Variants in GRIN2A observed in about 807,000 individuals in gnomAD.
GRIN2A encodes glutamate ionotropic receptor NMDA type subunit 2A, also known as glutamate receptor ionotropic, NMDA 2A.
GRIN2A carries 22 observed loss-of-function variants against 113.4 expected under a neutral mutation model. That is an observed-to-expected ratio of 0.19 (90% confidence interval 0.14 to 0.28). The LOEUF (loss-of-function observed/expected upper bound fraction) is 0.28. Ranked by LOEUF, GRIN2A falls within the 10% of genes least tolerant of loss-of-function variation. The pLI is 1.00. For missense variants in GRIN2A, 1,502 were observed against 1,887.0 expected (o/e 0.80, Z 3.78); for synonymous variants, 827 against 738.4 (o/e 1.12, Z -1.94).
chr16:9,982,977 C>G (rs1408159224), intron 2 of GRIN2A, among the ~76,000 whole-genome samples: 1 of 152,114 alleles, frequency 6.6e-6, no homozygotes, highest in Non-Finnish European at 1.5e-5. Flanking sequence ...TAAGTTCATA[C>G]TGATACTTTT....
intron 2 of GRIN2A, among the ~76,000 whole-genome samples, chr16:10,086,439 G>T (rs1185106248): frequency 6.6e-6 from 1 of 152,010 alleles, no homozygotes; most frequent in Admixed American, 6.6e-5. Flanking sequence ...AGGAGGACAG[G>T]CAAGATTGCA....
intron 2 of GRIN2A, among the ~76,000 whole-genome samples, chr16:10,093,198 C>T (rs2048218050): frequency 2.6e-5 from 4 of 152,214 alleles, no homozygotes; most frequent in South Asian, 4.1e-4. Flanking sequence ...AGTTGCTCAG[C>T]ACTGCAGGCA....
chr16:10,112,135 A>G (rs752293455), intron 2 of GRIN2A: 12 of 594,170 alleles, frequency 2.0e-5, no homozygotes, highest in Non-Finnish European at 3.8e-5. Context: ...GTGGGCACCC[A>G]TGAGGATGAC....
At chr16:10,112,792 C>T in intron 2 of GRIN2A, 1 of 694,282 alleles carries the variant, frequency 1.4e-6, no homozygotes. Flanking sequence ...ATGATGTACT[C>T]AGGAGAGCTC....
intron 2 of GRIN2A, 105 bp downstream of exon 2, chr16:10,179,893 C>CCCCACACAAAAAAAAAAAAA: frequency 1.4e-6 from 1 of 719,818 alleles, no homozygotes; most frequent in Non-Finnish European, 2.4e-6. Flanking sequence ...CCCCCACCCC[C>CCCCACACAAAAAAAAAAAAA]ACTTCACATC....
chr16:10,170,412 G>A (rs1339013796), intron 2 of GRIN2A, among the ~76,000 whole-genome samples: 1 of 152,172 alleles, frequency 6.6e-6, no homozygotes, highest in East Asian at 1.9e-4. Flanking sequence ...TGTATAGCAT[G>A]GTGACTGGTG....
At chr16:10,030,175 T>C (rs182254987) in intron 2 of GRIN2A, among the ~76,000 whole-genome samples, 9 of 52,410 alleles carry the variant, frequency 1.7e-4, no homozygotes, top group Non-Finnish European at 2.5e-4. Context: ...CTTCACGTTC[T>C]TGGGTGATTT....
At chr16:10,173,355 T>G (rs2050081117) in intron 2 of GRIN2A, among the ~76,000 whole-genome samples, 2 of 152,206 alleles carry the variant, frequency 1.3e-5, no homozygotes, top group South Asian at 4.1e-4. Context: ...AGCACCAACT[T>G]CCACCTCCTG....
At chr16:10,009,843 G>C (rs1056253533) in intron 2 of GRIN2A, among the ~76,000 whole-genome samples, 3 of 152,196 alleles carry the variant, frequency 2.0e-5, no homozygotes, top group African/African-American at 7.2e-5. Context: ...AGGCAGCTAA[G>C]TCACATGACC....
chr16:10,003,848 C>T (rs1302173905), intron 2 of GRIN2A, among the ~76,000 whole-genome samples: 1 of 152,204 alleles, frequency 6.6e-6, no homozygotes, highest in Non-Finnish European at 1.5e-5. Context: ...GTGGGTTCCA[C>T]AGACTTGTTG....
intron 2 of GRIN2A, among the ~76,000 whole-genome samples, chr16:9,949,887 G>A (rs1331232295): frequency 1.3e-5 from 2 of 152,174 alleles, no homozygotes; most frequent in East Asian, 3.9e-4. Flanking sequence ...ACAGTGATGG[G>A]TTAGAGAGGG....
rs1309768715 is a variant in GRIN2A, at chr16:9,764,879, C to T, written c.2665G>A (p.Gly889Arg). 4 of 1,614,098 alleles carry T rather than the reference C, an allele frequency of 2.5e-6. No individual in the cohort carries two copies. The highest frequency in any genetic ancestry group is 2.5e-6 in the Non-Finnish European group (3 of 1,179,998). The change falls in exon 13 of 13, where the codon GGA (glycine) becomes AGA (arginine). Residue 889 changes from glycine to arginine, a missense_variant. Around this residue, in one of 7 missense-constraint regions of GRIN2A, gnomAD observed 832 missense variants for 789.7 expected, o/e 1.05. Coordinates refer to ENST00000330684, the MANE Select transcript of GRIN2A (RefSeq NM_001134407.3). ...AGTTTTAACATGTTGCTCTGGGATC[C>T]CGTCAGATTGAAGTCTGGAGACTTC... The part of the protein sequence containing the change: ...KKKSPDFNLT[G>R]SQSNMLKLLR...
chr16:9,925,831 A>G (rs970560512), intron 3 of GRIN2A, among the ~76,000 whole-genome samples: 5 of 152,204 alleles, frequency 3.3e-5, no homozygotes, highest in Non-Finnish European at 7.3e-5. Flanking sequence ...TCTCAAACAT[A>G]TCTCCAAGTA....
chr16:10,059,488 T>C (rs187281063), intron 2 of GRIN2A, among the ~76,000 whole-genome samples: 127 of 152,264 alleles, frequency 8.3e-4, no homozygotes, highest in African/African-American at 2.7e-3. Flanking sequence ...AGGATTCAGC[T>C]ACCCCTGGCT....
rs530244727 is a variant in GRIN2A, at chr16:9,854,595, T to C, written c.1123-4634A>G. On this transcript the variant is annotated intron_variant, in intron 4 of 12. Coordinates refer to ENST00000330684, the MANE Select transcript of GRIN2A (RefSeq NM_001134407.3). Reference sequence around the variant, plus strand: ...ACTTTGAAGATGGCAGCCAAAAATATCTCTGCTCCCACCTTGGACGTGATG... The same window carrying C: ...ACTTTGAAGATGGCAGCCAAAAATACCTCTGCTCCCACCTTGGACGTGATG... Among the ~76,000 whole-genome samples the C allele has an allele frequency of 3.9e-5, 6 of 152,258 alleles. No individual in the cohort carries two copies. In the South Asian group the frequency reaches 6.2e-4, roughly 16 times the overall value.
At chr16:10,100,231 C>T (rs1204604633) in intron 2 of GRIN2A, among the ~76,000 whole-genome samples, 3 of 152,188 alleles carry the variant, frequency 2.0e-5, no homozygotes, top group Non-Finnish European at 4.4e-5. Flanking sequence ...ACCATAGCAA[C>T]GGGAAGCCAT....
chr16:9,780,275 A>G (rs1901864438), intron 11 of GRIN2A, among the ~76,000 whole-genome samples: 1 of 152,242 alleles, frequency 6.6e-6, no homozygotes, highest in South Asian at 2.1e-4. Flanking sequence ...TTCCAAACCA[A>G]TAAGTGCCTT....
chr16:10,047,848 A>G (rs1170000626), intron 2 of GRIN2A, among the ~76,000 whole-genome samples: 1 of 152,208 alleles, frequency 6.6e-6, no homozygotes. Context: ...TGTGCATTTT[A>G]CATTGATCTC....
At chr16:10,150,211 A>G (rs922525066) in intron 2 of GRIN2A, among the ~76,000 whole-genome samples, 1 of 152,236 alleles carries the variant, frequency 6.6e-6, no homozygotes, top group Non-Finnish European at 1.5e-5. Context: ...TAAAGTATGT[A>G]AAGAGGCAGC....
Sources: gnomAD v4.1 joint callset for allele counts (sites outside exome capture counted in the v4.1 genomes callset) on GRCh38, gnomAD v4.1.1 for gene constraint, gnomAD v4.1.1 regional missense constraint, MANE v1.5 for transcripts, NCBI Gene and HGNC (gene_info 2026-07-23, HGNC 2026-07-21) for gene names.